The following DYNC1I1 variants were observed in gnomAD, a reference collection of about 807,000 sequenced individuals.
The protein encoded by DYNC1I1 is cytoplasmic dynein 1 intermediate chain 1.
Under a neutral mutation model 86.6 loss-of-function variants are expected in DYNC1I1, and 43 were observed. The ratio of observed to expected loss-of-function variants is 0.50; its 90% confidence interval spans 0.39 to 0.64. DYNC1I1 has a LOEUF of 0.64. Among genes scored for constraint, DYNC1I1 ranks in the 30% least tolerant of loss-of-function variants. The probability of loss-of-function intolerance (pLI) is 0.00; values close to 1 mark genes in which losing one functional copy is unlikely to be tolerated. For synonymous variants in DYNC1I1, 262 were observed against 283.7 expected, an observed-to-expected ratio of 0.92 and a Z score of 0.77; for missense variants, 604 against 788.8, an observed-to-expected ratio of 0.77 and a Z score of 2.81.
intron 6 of DYNC1I1, among the ~76,000 whole-genome samples, chr7:95,877,846 A>T (rs1790348871): frequency 6.6e-6 from 1 of 152,226 alleles, no homozygotes; most frequent in Non-Finnish European, 1.5e-5. Context: ...TAGAGCAACA[A>T]TTATGGAACT....
At chr7:95,940,008 C>T (rs967742155) in intron 6 of DYNC1I1, among the ~76,000 whole-genome samples, 1 of 152,018 alleles carries the variant, frequency 6.6e-6, no homozygotes, top group South Asian at 2.1e-4. Context: ...GACAAAATCT[C>T]TCAGCATTTG....
At chr7:96,020,796 G>A (rs1794527098) in intron 10 of DYNC1I1, among the ~76,000 whole-genome samples, 2 of 152,112 alleles carry the variant, frequency 1.3e-5, no homozygotes, top group Admixed American at 6.6e-5. Context: ...GCATGCAATG[G>A]AATATTATTC....
chr7:95,938,740 G>T (rs1296649561), intron 6 of DYNC1I1, among the ~76,000 whole-genome samples: 2 of 152,138 alleles, frequency 1.3e-5, no homozygotes, highest in African/African-American at 2.4e-5. Flanking sequence ...AAGTGCTAAT[G>T]GTGGTGATTG....
intron 14 of DYNC1I1, among the ~76,000 whole-genome samples, chr7:96,067,340 C>T (rs1184405924): frequency 6.6e-6 from 1 of 151,864 alleles, no homozygotes; most frequent in East Asian, 1.9e-4. Flanking sequence ...TTTTTCTTCC[C>T]TTATCCCCAT....
intron 6 of DYNC1I1, among the ~76,000 whole-genome samples, chr7:95,894,386 T>G (rs995662373): frequency 6.6e-6 from 1 of 151,848 alleles, no homozygotes; most frequent in Non-Finnish European, 1.5e-5. Context: ...AGAGTACCAA[T>G]CCCCAGTTAT....
chr7:95,889,862 A>G (rs1584131238), intron 6 of DYNC1I1, among the ~76,000 whole-genome samples: 2 of 152,238 alleles, frequency 1.3e-5, no homozygotes, highest in South Asian at 4.1e-4. Context: ...ATCACTGATC[A>G]TGAGAGAAAT....
In DYNC1I1 at chr7:96,097,007, T is replaced by C. The variant is rs74688961; in HGVS notation, c.1777-476T>C. Among the ~76,000 whole-genome samples, 359 of 152,272 alleles carry C rather than the reference T, an allele frequency of 2.4e-3. 3 individuals carry two copies. Among genetic ancestry groups the C allele is most frequent in the African/African-American group, 8.4e-3 (349 of 41,562 alleles). On this transcript the variant is annotated intron_variant, in intron 16 of 16. Coordinates refer to ENST00000447467, the MANE Select transcript of DYNC1I1 (RefSeq NM_001135556.2). ...AAGTACTATTTCATAGGAGGAATAT[T>C]TCTTTGTATATATAAGCTATTCTTT... is the stretch of plus-strand genomic sequence containing the variant.
chr7:95,951,335 C>A (rs145670629), intron 6 of DYNC1I1, among the ~76,000 whole-genome samples: 1 of 152,066 alleles, frequency 6.6e-6, no homozygotes, highest in Admixed American at 6.5e-5. Flanking sequence ...GCAGCATTTA[C>A]GAAGCCTGGG....
chr7:96,064,195 G>T (rs1789881644), intron 14 of DYNC1I1, among the ~76,000 whole-genome samples: 1 of 146,670 alleles, frequency 6.8e-6, no homozygotes, highest in African/African-American at 2.6e-5. Context: ...ATATTTCATG[G>T]AAAGAAATAT....
intron 1 of DYNC1I1, among the ~76,000 whole-genome samples, chr7:95,792,713 T>A (rs1794336275): frequency 6.6e-6 from 1 of 152,210 alleles, no homozygotes; most frequent in Non-Finnish European, 1.5e-5. Flanking sequence ...TACAGGAGTC[T>A]CAGCCAATGA....
At chr7:95,914,186 T>C (rs1382965389) in intron 6 of DYNC1I1, among the ~76,000 whole-genome samples, 1 of 152,236 alleles carries the variant, frequency 6.6e-6, no homozygotes, top group Non-Finnish European at 1.5e-5. Flanking sequence ...TCATGAATCA[T>C]ATTACTATTT....
intron 6 of DYNC1I1, among the ~76,000 whole-genome samples, chr7:95,954,957 T>A (rs1584196302): frequency 6.6e-6 from 1 of 150,928 alleles, no homozygotes; most frequent in East Asian, 1.9e-4. Flanking sequence ...GACAATGACT[T>A]TTTTTGCCTT....
chr7:95,957,199 GA>G (rs1562955685), intron 6 of DYNC1I1, among the ~76,000 whole-genome samples: 1 of 152,166 alleles, frequency 6.6e-6, no homozygotes, highest in Non-Finnish European at 1.5e-5. Context: ...ATTACTACCA[GA>G]AATTCCCCAG....
intron 5 of DYNC1I1, among the ~76,000 whole-genome samples, chr7:95,866,324 G>A (rs1474078270): frequency 1.3e-5 from 2 of 152,106 alleles, no homozygotes; most frequent in African/African-American, 2.4e-5. Context: ...ATGACCACAC[G>A]TGCTTGGACC....
At chr7:96,058,106 C>G (rs190209378) in intron 14 of DYNC1I1, among the ~76,000 whole-genome samples, 1 of 152,152 alleles carries the variant, frequency 6.6e-6, no homozygotes, top group Non-Finnish European at 1.5e-5. Context: ...CATTGCAAAA[C>G]ATGCAAGAAT....
chr7:95,800,345 G>T (rs999225396), intron 1 of DYNC1I1, among the ~76,000 whole-genome samples: 9 of 152,048 alleles, frequency 5.9e-5, no homozygotes, highest in African/African-American at 2.2e-4. Context: ...GACAAGGGGT[G>T]AAATGGGGAT....
At chr7:95,785,249 C>G (rs1794098515) in intron 1 of DYNC1I1, among the ~76,000 whole-genome samples, 1 of 151,846 alleles carries the variant, frequency 6.6e-6, no homozygotes, top group Admixed American at 6.6e-5. Flanking sequence ...CCGTCTCTAC[C>G]AAAAAATACA....
chr7:95,840,586 C>A (rs749278061), intron 5 of DYNC1I1, among the ~76,000 whole-genome samples: 1 of 152,082 alleles, frequency 6.6e-6, no homozygotes, highest in African/African-American at 2.4e-5. Flanking sequence ...TTATCTTGTT[C>A]TTTTATTTGG....
intron 14 of DYNC1I1, among the ~76,000 whole-genome samples, chr7:96,062,335 G>T (rs1789806630): frequency 6.6e-6 from 1 of 152,072 alleles, no homozygotes; most frequent in South Asian, 2.1e-4. Context: ...GACATGTTTT[G>T]GTTGTTTGCT....
Sources: allele counts gnomAD v4.1 joint callset (sites outside exome capture counted in the v4.1 genomes callset), GRCh38; gene constraint gnomAD v4.1.1; transcripts MANE v1.5; gene names NCBI Gene and HGNC (gene_info 2026-07-23, HGNC 2026-07-21).